Variants in MMP16 observed in about 807,000 individuals in gnomAD.
The protein encoded by MMP16 is matrix metalloproteinase-16.
MMP16 carries 12 observed loss-of-function variants against 67.8 expected under a neutral mutation model. The ratio of observed to expected loss-of-function variants is 0.18; its 90% CI spans 0.11 to 0.29. The LOEUF is 0.29. MMP16 is among the 10% of genes least tolerant of loss of function. MMP16 has a pLI of 1.00. For synonymous variants in MMP16, 249 were observed against 255.9 expected (o/e 0.97, Z 0.26); for missense variants, 475 against 765.7 (o/e 0.62, Z 4.48).
At chr8:88,146,064 C>A (rs546274769) in intron 4 of MMP16, among the ~76,000 whole-genome samples, 1 of 152,048 alleles carries the variant, frequency 6.6e-6, no homozygotes, top group Non-Finnish European at 1.5e-5. Flanking sequence ...AGTTCTTTTG[C>A]CTTAACATTT....
intron 7 of MMP16, among the ~76,000 whole-genome samples, chr8:88,061,127 TACACACACACACACACAC>T (rs149547108): frequency 9.2e-4 from 131 of 143,166 alleles, no homozygotes; most frequent in Non-Finnish European, 1.6e-3. Context: ...CTGAATATTA[TACACACACACACACACAC>T]ACACACACAC....
rs538436564 is a variant in MMP16 at position 88,320,802 on chromosome 8, A to C, written c.132+6273T>G. 1.1e-3 allele frequency among the ~76,000 whole-genome samples: 167 copies of C among 152,188 alleles called. 1 individual carries two copies. Among genetic ancestry groups the C allele is most frequent in the Non-Finnish European group, 1.5e-3 (100 of 68,006 alleles). ...ATACTACACCAAGAGGTCACATTTA[A>C]TCAAAGGTTAGGGGCTACACTTACT... On this transcript the variant is annotated intron_variant, in intron 1 of 9. Coordinates refer to ENST00000286614, the MANE Select transcript of MMP16 (RefSeq NM_005941.5).
chr8:88,062,885 C>T (rs1030751547), intron 7 of MMP16, among the ~76,000 whole-genome samples: 6 of 152,004 alleles, frequency 3.9e-5, no homozygotes, highest in African/African-American at 1.2e-4. Flanking sequence ...ATGTAAGATT[C>T]ATATTTGACT....
chr8:88,088,068 A>C (rs1450920760), intron 6 of MMP16, among the ~76,000 whole-genome samples: 1 of 101,654 alleles, frequency 9.8e-6, no homozygotes, highest in Non-Finnish European at 1.9e-5. Context: ...TATATATAAT[A>C]GATATCTATA....
intron 1 of MMP16, among the ~76,000 whole-genome samples, chr8:88,302,438 T>C (rs1320556873): frequency 1.3e-5 from 2 of 152,206 alleles, no homozygotes; most frequent in Non-Finnish European, 2.9e-5. Context: ...TCCCTTGTTA[T>C]ATTATCTGCG....
At chr8:88,206,387 A>G (rs1371458664) in intron 1 of MMP16, among the ~76,000 whole-genome samples, 1 of 152,112 alleles carries the variant, frequency 6.6e-6, no homozygotes, top group Non-Finnish European at 1.5e-5. Flanking sequence ...TGGAGATTGC[A>G]TGTTCTCCCC....
chr8:88,198,171 A>G (rs1387791458), intron 1 of MMP16, among the ~76,000 whole-genome samples: 1 of 152,164 alleles, frequency 6.6e-6, no homozygotes, highest in African/African-American at 2.4e-5. Flanking sequence ...GGCATTTGGA[A>G]AAAAACATAT....
chr8:88,241,862 C>T (rs1349759742), intron 1 of MMP16, among the ~76,000 whole-genome samples: 1 of 152,034 alleles, frequency 6.6e-6, no homozygotes, highest in African/African-American at 2.4e-5. Flanking sequence ...AAAATCCTCT[C>T]GTCTAGCTCT....
intron 6 of MMP16, among the ~76,000 whole-genome samples, chr8:88,105,522 G>T (rs1166021694): frequency 1.3e-5 from 2 of 151,474 alleles, no homozygotes; most frequent in African/African-American, 4.8e-5. Flanking sequence ...GCAAAGTAGT[G>T]TAAGAAGCAT....
At chr8:88,110,711 T>C (rs1809320540) in intron 6 of MMP16, among the ~76,000 whole-genome samples, 1 of 151,680 alleles carries the variant, frequency 6.6e-6, no homozygotes, top group Non-Finnish European at 1.5e-5. Flanking sequence ...TGATATGATA[T>C]GAATAATAAC....
At chr8:88,060,742 T>C (rs997017375) in intron 7 of MMP16, among the ~76,000 whole-genome samples, 1 of 152,044 alleles carries the variant, frequency 6.6e-6, no homozygotes, top group Non-Finnish European at 1.5e-5. Flanking sequence ...GTGAATAACT[T>C]GAGGAAAAAC....
At position 88,307,305 on chromosome 8, in the gene MMP16, T is replaced by C. The variant is rs73292447; in HGVS notation, c.132+19770A>G. On this transcript the variant is annotated intron_variant, in intron 1 of 9. Coordinates refer to ENST00000286614, the MANE Select transcript of MMP16 (RefSeq NM_005941.5). ...TTTTTGTATCATGAAATGAAGAGTC[T>C]TGAATGAAAGTCTTGAATAAAATGC... Among the ~76,000 whole-genome samples, 476 of 152,256 alleles carry C rather than the reference T, an allele frequency of 3.1e-3. 3 individuals are homozygous for C. Among genetic ancestry groups the C allele is most frequent in the African/African-American group, 0.011 (440 of 41,572 alleles).
intron 1 of MMP16, among the ~76,000 whole-genome samples, chr8:88,265,223 C>CTTTTTTGTTTTTTTTTTTTTTTTTTTTTT (rs536439216): frequency 9.9e-6 from 1 of 100,780 alleles, no homozygotes; most frequent in African/African-American, 4.0e-5. Flanking sequence ...TGACCATTTC[C>CTTTTTTGTTTTTTTTTTTTTTTTTTTTTT]TTTTTTTTTT....
intron 6 of MMP16, among the ~76,000 whole-genome samples, chr8:88,088,207 T>C (rs1808875249): frequency 1.3e-5 from 2 of 150,084 alleles, no homozygotes; most frequent in South Asian, 2.1e-4. Context: ...GGTGAGCAAA[T>C]GGTTGTGTTA....
At chr8:88,125,216 A>G (rs925141457) in intron 4 of MMP16, among the ~76,000 whole-genome samples, 1 of 151,656 alleles carries the variant, frequency 6.6e-6, no homozygotes, top group African/African-American at 2.4e-5. Flanking sequence ...AAAATTAGAA[A>G]AAAAAACAGT....
At chr8:88,315,314 A>G (rs974922437) in intron 1 of MMP16, among the ~76,000 whole-genome samples, 1 of 152,096 alleles carries the variant, frequency 6.6e-6, no homozygotes, top group Non-Finnish European at 1.5e-5. Flanking sequence ...TCATTAGATG[A>G]TATCTGTTAT....
At chr8:88,202,243 G>A (rs1809354870) in intron 1 of MMP16, among the ~76,000 whole-genome samples, 1 of 152,146 alleles carries the variant, frequency 6.6e-6, no homozygotes, top group South Asian at 2.1e-4. Context: ...TATCAATTAA[G>A]AGGCAACTGT....
chr8:88,196,713 G>A (rs779514206), intron 2 of MMP16, among the ~76,000 whole-genome samples: 12 of 152,042 alleles, frequency 7.9e-5, no homozygotes, highest in Non-Finnish European at 1.6e-4. Context: ...CCCAAAATAA[G>A]AGCCCTAATT....
rs1808359385 is a variant in MMP16, at chr8:88,058,549, A to G, written c.1223-2271T>C. Among the ~76,000 whole-genome samples the G allele has an allele frequency of 6.6e-6, 1 of 152,166 alleles. No homozygotes were observed. The highest frequency in any genetic ancestry group is 1.5e-5 in the Non-Finnish European group (1 of 68,018). ...AGCAAAGTGCTATACAAATGGAGAA[A>G]GAAAAAAGGATATTAAGGTGACAGT... is the stretch of plus-strand genomic sequence containing the variant. On this transcript the variant is annotated intron_variant, in intron 7 of 9. Coordinates refer to ENST00000286614, the MANE Select transcript of MMP16 (RefSeq NM_005941.5). The surrounding 1 kb of genome is among the most constrained non-coding windows in gnomAD (Gnocchi z 4.2).
Sources: gnomAD v4.1 joint callset for allele counts (sites outside exome capture counted in the v4.1 genomes callset) on GRCh38, gnomAD v4.1.1 for gene constraint, Gnocchi (gnomAD v3.1) non-coding constraint, MANE v1.5 for transcripts, NCBI Gene and HGNC (gene_info 2026-07-23, HGNC 2026-07-21) for gene names.